RALY: variants seen among roughly 807,000 people sequenced by gnomAD.
RALY encodes the protein RALY heterogeneous nuclear ribonucleoprotein, also known as RNA-binding protein Raly.
RALY carries 15 observed loss-of-function variants against 30.7 expected under a neutral mutation model. The ratio of observed to expected loss-of-function variants is 0.49; its 90% CI spans 0.33 to 0.75. RALY has a LOEUF of 0.75. Ranked by LOEUF, RALY falls within the 30% of genes least tolerant of loss-of-function variation. The pLI is 0.02. For synonymous variants in RALY, 177 were observed against 170.8 expected, an observed-to-expected ratio of 1.04 and a Z score of -0.28; for missense variants, 339 against 414.3, an observed-to-expected ratio of 0.82 and a Z score of 1.58.
intron 2 of RALY, among the ~76,000 whole-genome samples, chr20:34,064,052 T>A (rs1472100565): frequency 6.6e-6 from 1 of 152,152 alleles, no homozygotes; most frequent in Non-Finnish European, 1.5e-5. Flanking sequence ...GGCCCATAAT[T>A]AGCTCCGTGT....
chr20:34,077,119 T>C lies in RALY; in HGVS notation c.750T>C (p.Gly250=). The C allele has an allele frequency of 6.2e-7, 1 of 1,600,694 alleles. No individual in the cohort carries two copies. The change falls in exon 8 of 10, where the codon GGT becomes GGC. Residue 250 remains glycine (G), a synonymous_variant. Coordinates refer to ENST00000246194, the MANE Select transcript of RALY (RefSeq NM_016732.3). Reference sequence around the variant, plus strand: ...GTGGCAGTGGTGGTGGCGGTGGCGGTGGCAGCAGCCGGCCACCAGCCCCCC... The same window carrying C: ...GTGGCAGTGGTGGTGGCGGTGGCGGCGGCAGCAGCCGGCCACCAGCCCCCC... ...GGGGSGGGGG[G]GSSRPPAPQE...
At chr20:34,030,959 C>T (rs1391749992) in intron 1 of RALY, among the ~76,000 whole-genome samples, 2 of 152,020 alleles carry the variant, frequency 1.3e-5, no homozygotes, top group African/African-American at 4.8e-5. Context: ...AAATAGACTT[C>T]ACCCTTACCT....
chr20:34,009,800 C>T (rs77439336), intron 1 of RALY, among the ~76,000 whole-genome samples: 3,268 of 152,224 alleles, frequency 0.021, 56 homozygotes, highest in Non-Finnish European at 0.029. Context: ...CCTGTTGTTT[C>T]TTTGATACTC....
chr20:34,008,645 C>T (rs1036018869), intron 1 of RALY, among the ~76,000 whole-genome samples: 4 of 152,206 alleles, frequency 2.6e-5, no homozygotes, highest in Admixed American at 2.6e-4. Flanking sequence ...TTTTGTTTGG[C>T]CTGCAGTAGT....
chr20:34,058,019 C>CT (rs993221662), intron 2 of RALY, among the ~76,000 whole-genome samples: 22 of 148,126 alleles, frequency 1.5e-4, no homozygotes, highest in South Asian at 1.1e-3. Context: ...TTTGGAGAAA[C>CT]TTTTTTTTTT....
chr20:34,036,514 C>T (rs1253896509), intron 2 of RALY, among the ~76,000 whole-genome samples: 1 of 152,092 alleles, frequency 6.6e-6, no homozygotes, highest in Non-Finnish European at 1.5e-5. Context: ...TTTCTTAGGT[C>T]TTTATCTGCT....
Position 34,077,068 on chromosome 20 carries a change from CGGCGGTGGT to C in RALY, c.702_710del (p.Gly236_Gly238del), listed in dbSNP as rs752210775. 1.9e-6 allele frequency: 3 copies of C among 1,604,916 alleles called. No individual in the cohort carries two copies. The highest frequency in any genetic ancestry group is 1.1e-5 in the South Asian group (1 of 90,440). On this transcript the variant is annotated inframe_deletion, in exon 8 of 10. Transcript: ENST00000246194. ...GTGATGGAGGTGGCGCCGGCGGCGG[CGGCGGTGGT>C]GGTGGCAGCGGTGGCGGTGGCAGTG...
At chr20:34,005,252 C>T (rs2031105043) in intron 1 of RALY, among the ~76,000 whole-genome samples, 1 of 152,104 alleles carries the variant, frequency 6.6e-6, no homozygotes, top group Non-Finnish European at 1.5e-5. Flanking sequence ...GGCTCATGGC[C>T]TGTAATCCTG....
chr20:34,029,298 A>G (rs2032171600), intron 1 of RALY, among the ~76,000 whole-genome samples: 2 of 152,106 alleles, frequency 1.3e-5, no homozygotes, highest in South Asian at 4.2e-4. Context: ...TTAGCTGGGC[A>G]TGGTGGCCGG....
chr20:34,037,758 G>GGAGC (rs1425402886), intron 2 of RALY, among the ~76,000 whole-genome samples: 1 of 152,220 alleles, frequency 6.6e-6, no homozygotes, highest in Non-Finnish European at 1.5e-5. Context: ...ACCTGGGATA[G>GGAGC]AGTCTGAGAA....
intron 1 of RALY, among the ~76,000 whole-genome samples, chr20:34,023,443 A>G (rs1356711261): frequency 1.3e-5 from 2 of 152,148 alleles, no homozygotes; most frequent in South Asian, 2.1e-4. Context: ...TGTTTCTACT[A>G]TATGCTGCCT....
At chr20:34,014,824 A>T (rs1227223031) in intron 1 of RALY, 1 of 152,230 alleles carries the variant, frequency 6.6e-6, no homozygotes, top group Admixed American at 6.5e-5. Context: ...GTTAACCTTT[A>T]CACAGTTCTG....
chr20:34,073,741 G>A, intron 4 of RALY, 78 bp from the exon 5 acceptor site: 1 of 1,558,030 alleles, frequency 6.4e-7, no homozygotes, highest in Non-Finnish European at 8.9e-7. Flanking sequence ...TTGGGGAGGT[G>A]TCTGGAGATG....
intron 1 of RALY, among the ~76,000 whole-genome samples, chr20:33,994,528 C>G (rs2030499811): frequency 6.6e-6 from 1 of 152,224 alleles, no homozygotes; most frequent in Non-Finnish European, 1.5e-5. Flanking sequence ...AGGCCGCAGG[C>G]GGGCCCGGCC....
intron 5 of RALY, among the ~76,000 whole-genome samples, chr20:34,075,495 T>C (rs2033848677): frequency 6.6e-6 from 1 of 151,672 alleles, no homozygotes; most frequent in Admixed American, 6.6e-5. Context: ...TGCTTTGAGA[T>C]TTGCAAACTC....
At chr20:34,012,809 G>T (rs2031458151) in intron 1 of RALY, among the ~76,000 whole-genome samples, 1 of 152,252 alleles carries the variant, frequency 6.6e-6, no homozygotes. Context: ...TTTGTCAGCA[G>T]CATAGTGCTT....
chr20:34,016,425 G>A (rs2031609897), intron 1 of RALY: 1 of 152,218 alleles, frequency 6.6e-6, no homozygotes, highest in African/African-American at 2.4e-5. Context: ...GTTTGAACCT[G>A]AGTTCACTGC....
At chr20:34,062,016 A>G (rs1306775504) in intron 2 of RALY, among the ~76,000 whole-genome samples, 1 of 152,170 alleles carries the variant, frequency 6.6e-6, no homozygotes, top group Non-Finnish European at 1.5e-5. Flanking sequence ...ATTTACCCTC[A>G]AGGATATGCC....
intron 2 of RALY, among the ~76,000 whole-genome samples, chr20:34,063,674 TTC>T (rs1197973878): frequency 1.3e-5 from 2 of 152,150 alleles, no homozygotes; most frequent in African/African-American, 2.4e-5. Context: ...AGTGAAGACA[TTC>T]TTGTATTTCA....
Sources: gnomAD v4.1 joint callset for allele counts (sites outside exome capture counted in the v4.1 genomes callset) on GRCh38, gnomAD v4.1.1 for gene constraint, MANE v1.5 for transcripts, NCBI Gene and HGNC (gene_info 2026-07-23, HGNC 2026-07-21) for gene names.